VEPH1: variants seen among roughly 807,000 people sequenced by gnomAD.
VEPH1 encodes the protein ventricular zone-expressed PH domain-containing protein homolog 1.
VEPH1 carries 80 observed loss-of-function variants against 85.2 expected under a neutral mutation model. The observed-to-expected ratio is 0.94, with a 90% confidence interval of 0.78 to 1.13. The LOEUF is 1.13. Among genes scored for constraint, VEPH1 ranks in the 50% most tolerant of loss-of-function variants. The pLI is 0.00. For synonymous variants in VEPH1, 297 were observed against 348.0 expected (o/e 0.85, Z 1.63); for missense variants, 955 against 980.5 (o/e 0.97, Z 0.35).
chr3:157,318,662 A>AAAGG (rs769951619), intron 9 of VEPH1, among the ~76,000 whole-genome samples: 59 of 145,444 alleles, frequency 4.1e-4, no homozygotes, highest in Admixed American at 1.9e-3. Flanking sequence ...GAATGAAAGA[A>AAAGG]AAGGAAAGAA....
chr3:157,320,587 C>T (rs1432088298), intron 9 of VEPH1, among the ~76,000 whole-genome samples: 2 of 152,062 alleles, frequency 1.3e-5, no homozygotes, highest in East Asian at 1.9e-4. Flanking sequence ...GTCATGCTGT[C>T]TTAAATATAG....
At chr3:157,402,457 C>G (rs1042885175) in intron 6 of VEPH1, among the ~76,000 whole-genome samples, 1 of 152,094 alleles carries the variant, frequency 6.6e-6, no homozygotes, top group Non-Finnish European at 1.5e-5. Context: ...CAGAAGGCAG[C>G]AGAAGGAAGA....
chr3:157,417,468 CAG>C (rs1732010768), intron 5 of VEPH1, among the ~76,000 whole-genome samples: 1 of 152,178 alleles, frequency 6.6e-6, no homozygotes, highest in Non-Finnish European at 1.5e-5. Flanking sequence ...TCACTGCCAC[CAG>C]AGTCATAGCC....
chr3:157,408,015 CT>C (rs1198079963), intron 6 of VEPH1, among the ~76,000 whole-genome samples: 2 of 152,102 alleles, frequency 1.3e-5, no homozygotes, highest in Non-Finnish European at 2.9e-5. Flanking sequence ...CACCGTGTTA[CT>C]TTTGCCCTCA....
intron 1 of VEPH1, among the ~76,000 whole-genome samples, chr3:157,500,647 A>G (rs1328499695): frequency 1.3e-5 from 2 of 152,228 alleles, no homozygotes; most frequent in African/African-American, 4.8e-5. Flanking sequence ...TTCGTCTTTT[A>G]ATGGAATAGA....
At chr3:157,288,184 C>A (rs780312045) in intron 11 of VEPH1, among the ~76,000 whole-genome samples, 1 of 152,224 alleles carries the variant, frequency 6.6e-6, no homozygotes, top group African/African-American at 2.4e-5. Context: ...AAGGCTCCTC[C>A]TCCTAAGAGG....
At chr3:157,477,523 G>A (rs1469926220) in intron 2 of VEPH1, among the ~76,000 whole-genome samples, 2 of 152,122 alleles carry the variant, frequency 1.3e-5, no homozygotes, top group Non-Finnish European at 2.9e-5. Flanking sequence ...CAGAGATGAT[G>A]CATACCAATT....
At chr3:157,276,798 T>G (rs1715460189) in intron 12 of VEPH1, among the ~76,000 whole-genome samples, 1 of 152,136 alleles carries the variant, frequency 6.6e-6, no homozygotes. Flanking sequence ...CATGTCTTTA[T>G]GAGAAACTCA....
At chr3:157,282,224 A>G (rs1443906118) in intron 12 of VEPH1, among the ~76,000 whole-genome samples, 2 of 152,000 alleles carry the variant, frequency 1.3e-5, no homozygotes, top group Non-Finnish European at 2.9e-5. Flanking sequence ...GACAGGGTCT[A>G]TGCTATGTTG....
Position 157,261,244 on chromosome 3 carries a change from C to T in VEPH1, c.2392G>A (p.Val798Ile). The T allele has an allele frequency of 1.2e-6, 2 of 1,613,762 alleles. No homozygotes were observed. The highest frequency in any genetic ancestry group is 1.7e-6 in the Non-Finnish European group (2 of 1,179,794). The change falls in exon 14 of 14, where the codon GTC becomes ATC. Residue 798 changes from valine to isoleucine, a missense_variant. Transcript: ENST00000362010. ...FEIFTDNKTY[V>I]FKAKDEKNAE... is the part of the protein sequence containing the mutation. ...TTCTTCTCATCCTTGGCCTTAAAGACATAGGTTTTATTGTCTGTGAAGATT... is the reference window on the plus strand; with the variant it reads ...TTCTTCTCATCCTTGGCCTTAAAGATATAGGTTTTATTGTCTGTGAAGATT...
chr3:157,316,964 C>T, intron 10 of VEPH1, 98 bp downstream of exon 10: 2 of 1,301,398 alleles, frequency 1.5e-6, no homozygotes, highest in Non-Finnish European at 2.1e-6. Context: ...CTGTTATCTA[C>T]ATATCAACTC....
chr3:157,421,774 T>C (rs951757020), intron 5 of VEPH1, among the ~76,000 whole-genome samples: 5 of 152,088 alleles, frequency 3.3e-5, no homozygotes, highest in Non-Finnish European at 5.9e-5. Flanking sequence ...GTGGAGAGGC[T>C]GCTTTACCAT....
intron 9 of VEPH1, among the ~76,000 whole-genome samples, chr3:157,340,914 G>C (rs906947336): frequency 6.6e-6 from 1 of 152,168 alleles, no homozygotes; most frequent in Non-Finnish European, 1.5e-5. Flanking sequence ...AGACAAACAG[G>C]GTCTGGGGTG....
intron 9 of VEPH1, among the ~76,000 whole-genome samples, chr3:157,327,232 G>A (rs1256455131): frequency 6.6e-6 from 1 of 152,184 alleles, no homozygotes; most frequent in Non-Finnish European, 1.5e-5. Context: ...AAGGGAGCAG[G>A]AGCCACTTCC....
chr3:157,357,184 A>G (rs1298819267), intron 9 of VEPH1, among the ~76,000 whole-genome samples: 1 of 152,102 alleles, frequency 6.6e-6, no homozygotes, highest in Non-Finnish European at 1.5e-5. Context: ...TTTTCGCTCC[A>G]TTTATGTATT....
chr3:157,341,693 C>T (rs143928358), intron 9 of VEPH1, among the ~76,000 whole-genome samples: 1,714 of 152,134 alleles, frequency 0.011, 38 homozygotes, highest in African/African-American at 0.04. Context: ...AGATACTCCT[C>T]GAGAAGAGCA....
At chr3:157,491,314 T>C (rs1739192927) in intron 2 of VEPH1, among the ~76,000 whole-genome samples, 1 of 151,974 alleles carries the variant, frequency 6.6e-6, no homozygotes, top group Non-Finnish European at 1.5e-5. Flanking sequence ...TGAGCACCAA[T>C]GGAAAGGTGG....
chr3:157,498,552 C>G (rs1163620930), intron 1 of VEPH1, among the ~76,000 whole-genome samples: 2 of 152,176 alleles, frequency 1.3e-5, no homozygotes, highest in African/African-American at 2.4e-5. Context: ...GTTGCCAAGT[C>G]AGGATTGAAG....
intron 6 of VEPH1, among the ~76,000 whole-genome samples, chr3:157,388,154 T>C (rs1365493032): frequency 6.6e-6 from 1 of 152,218 alleles, no homozygotes; most frequent in Non-Finnish European, 1.5e-5. Flanking sequence ...CAAGGGCCAT[T>C]AGAAATGTAA....
Sources: gnomAD v4.1 joint callset for allele counts (sites outside exome capture counted in the v4.1 genomes callset) on GRCh38, gnomAD v4.1.1 for gene constraint, MANE v1.5 for transcripts, NCBI Gene and HGNC (gene_info 2026-07-23, HGNC 2026-07-21) for gene names.